The following COL6A5 variants were observed in gnomAD, a reference collection of about 807,000 sequenced individuals.
COL6A5 encodes the protein collagen alpha-5(VI) chain.
A neutral mutation model predicts 65.6 loss-of-function variants in COL6A5; 48 were observed. The ratio of observed to expected loss-of-function variants is 0.73; its 90% CI spans 0.58 to 0.93. COL6A5 has a LOEUF of 0.93. COL6A5 is among the 40% of genes least tolerant of loss of function. COL6A5 has a pLI of 0.00. For missense variants in COL6A5, 914 were observed against 928.3 expected, an observed-to-expected ratio of 0.98 and a Z score of 0.20; for synonymous variants, 291 against 322.8, an observed-to-expected ratio of 0.90 and a Z score of 1.05.
chr3:130,459,524 T>C (rs1709655999), intron 5 of COL6A5, among the ~76,000 whole-genome samples: 1 of 152,002 alleles, frequency 6.6e-6, no homozygotes, highest in African/African-American at 2.4e-5. Context: ...TGGCATCTAG[T>C]GAATAGAGAT....
At chr3:130,436,055 T>C (rs895733692) in intron 1 of COL6A5, among the ~76,000 whole-genome samples, 2 of 152,092 alleles carry the variant, frequency 1.3e-5, no homozygotes, top group Non-Finnish European at 2.9e-5. Flanking sequence ...AAAGCCCTAC[T>C]GATATTCTAG....
intron 4 of COL6A5, among the ~76,000 whole-genome samples, chr3:130,382,748 A>C (rs1936044106): frequency 6.6e-6 from 1 of 152,152 alleles, no homozygotes; most frequent in South Asian, 2.1e-4. Flanking sequence ...TACATCTGGC[A>C]CATACTAAGT....
chr3:130,475,264 A>T (rs1225881067), intron 7 of COL6A5, among the ~76,000 whole-genome samples: 1 of 151,884 alleles, frequency 6.6e-6, no homozygotes, highest in African/African-American at 2.4e-5. Context: ...AATTGGTAAA[A>T]GATATAAATG....
chr3:130,402,484 C>T (rs1021620195), intron 12 of COL6A5, among the ~76,000 whole-genome samples: 39 of 152,150 alleles, frequency 2.6e-4, no homozygotes, highest in African/African-American at 8.9e-4. Context: ...ACATGAATAA[C>T]TTTTACTAAC....
At chr3:130,460,178 C>G (rs942842376) in intron 5 of COL6A5, among the ~76,000 whole-genome samples, 3 of 152,090 alleles carry the variant, frequency 2.0e-5, no homozygotes, top group Admixed American at 2.0e-4. Flanking sequence ...CCTATCAGTA[C>G]ACTTTTCAAG....
At chr3:130,429,346 C>G (rs570489272), upstream of COL6A5, among the ~76,000 whole-genome samples, 1 of 152,256 alleles carries the variant, frequency 6.6e-6, no homozygotes, top group Non-Finnish European at 1.5e-5. Context: ...CTAAAGTCTG[C>G]TGGCTGTGGC....
chr3:130,444,820 A>G (rs1029783330), intron 4 of COL6A5, among the ~76,000 whole-genome samples: 2 of 152,190 alleles, frequency 1.3e-5, no homozygotes, highest in Non-Finnish European at 2.9e-5. Flanking sequence ...AGAGGATTCA[A>G]AAATTTGTTT....
At chr3:130,409,744 C>A (rs1937112804) in intron 18 of COL6A5, among the ~76,000 whole-genome samples, 2 of 150,348 alleles carry the variant, frequency 1.3e-5, no homozygotes, top group South Asian at 4.2e-4. Flanking sequence ...TGAACCAGTG[C>A]ATCAGTGAAG....
intron 4 of COL6A5, among the ~76,000 whole-genome samples, chr3:130,454,771 T>G (rs2107599163): frequency 6.6e-6 from 1 of 152,292 alleles, no homozygotes; most frequent in South Asian, 2.1e-4. Flanking sequence ...TTTCTGCATT[T>G]TCCATGGTGA....
At chr3:130,416,911 T>C in intron 24 of COL6A5, 92 bp downstream of exon 24, 1 of 750,794 alleles carries the variant, frequency 1.3e-6, no homozygotes, top group Non-Finnish European at 2.1e-6. Flanking sequence ...AGGTACAATG[T>C]GATATTTTCT....
chr3:130,396,990 A>G (rs199731186), intron 8 of COL6A5, among the ~76,000 whole-genome samples: 3 of 151,994 alleles, frequency 2.0e-5, no homozygotes, highest in African/African-American at 7.3e-5. Flanking sequence ...AGTCTCCCGA[A>G]TAGCTGGGAC....
At chr3:130,385,036 C>T (rs966613305) in exon 5 of COL6A5, 4 of 1,550,700 alleles carry the variant, frequency 2.6e-6, no homozygotes, top group Non-Finnish European at 3.5e-6. Flanking sequence ...CTATTTTTAA[C>T]ATTAAGCAAC....
chr3:130,459,044 T>G lies in COL6A5; in HGVS notation c.1544+3378T>G, dbSNP rs568730467. ...GTGAAATGTTTTTTAAATGTTGTAT[T>G]AACCAGTACTTAAGATACAGCTAAT... On this transcript the variant is annotated intron_variant, in intron 5 of 7. Coordinates refer to ENST00000512836, the Ensembl canonical transcript of COL6A5. Among the ~76,000 whole-genome samples the G allele has an allele frequency of 1.3e-3, 204 of 152,256 alleles. 1 individual carries two copies. The highest frequency in any genetic ancestry group is 8.7e-3 in the South Asian group (42 of 4,818).
At chr3:130,427,432 A>T (rs555770760), upstream of COL6A5, among the ~76,000 whole-genome samples, 5 of 152,316 alleles carry the variant, frequency 3.3e-5, no homozygotes, top group Non-Finnish European at 7.4e-5. Flanking sequence ...AACAGCAAAA[A>T]AGCAAGTTTA....
At chr3:130,417,569 G>A (rs1577488359) in intron 24 of COL6A5, among the ~76,000 whole-genome samples, 2 of 152,282 alleles carry the variant, frequency 1.3e-5, no homozygotes, top group East Asian at 3.9e-4. Context: ...GCTGAGTTGA[G>A]TGGAGGATGG....
intron 7 of COL6A5, among the ~76,000 whole-genome samples, chr3:130,482,139 G>T (rs1159866971): frequency 6.6e-6 from 1 of 152,150 alleles, no homozygotes; most frequent in Non-Finnish European, 1.5e-5. Flanking sequence ...GTCCTGAATG[G>T]TATTGCCTAG....
intron 10 of COL6A5, among the ~76,000 whole-genome samples, chr3:130,399,545 T>C (rs773360522): frequency 9.2e-5 from 14 of 151,496 alleles, no homozygotes; most frequent in Non-Finnish European, 1.8e-4. Flanking sequence ...TAATTTTTTT[T>C]TATTTTTAGT....
At chr3:130,416,102 G>C (rs1387856591) in intron 23 of COL6A5, among the ~76,000 whole-genome samples, 2 of 152,182 alleles carry the variant, frequency 1.3e-5, no homozygotes, top group African/African-American at 2.4e-5. Flanking sequence ...AAGATCCCTT[G>C]CTACTCAAAC....
upstream of COL6A5, among the ~76,000 whole-genome samples, chr3:130,429,843 T>A (rs1483504902): frequency 2.0e-5 from 3 of 152,170 alleles, no homozygotes; most frequent in Non-Finnish European, 4.4e-5. Context: ...CCTGTGCTGC[T>A]GGGGGATTCA....
Sources: gnomAD v4.1 joint callset for allele counts (sites outside exome capture counted in the v4.1 genomes callset) on GRCh38, gnomAD v4.1.1 for gene constraint, MANE v1.5 for transcripts, NCBI Gene and HGNC (gene_info 2026-07-23, HGNC 2026-07-21) for gene names.